The following CACNA2D4 variants were observed in gnomAD, a reference collection of about 807,000 sequenced individuals.
CACNA2D4 encodes the protein voltage-dependent calcium channel subunit alpha-2/delta-4.
A neutral mutation model predicts 163.8 loss-of-function variants in CACNA2D4; 157 were observed. The observed-to-expected ratio is 0.96, with a 90% CI of 0.84 to 1.09. The LOEUF (loss-of-function observed/expected upper bound fraction) is 1.09. Among genes scored for constraint, CACNA2D4 ranks in the 50% least tolerant of loss-of-function variants. CACNA2D4 has a pLI of 0.00. For synonymous variants in CACNA2D4, 598 were observed against 586.9 expected (o/e 1.02, Z -0.27); for missense variants, 1,410 against 1,479.9 (o/e 0.95, Z 0.78).
intron 26 of CACNA2D4, among the ~76,000 whole-genome samples, chr12:1,815,106 G>A (rs980932399): frequency 1.3e-5 from 2 of 152,150 alleles, no homozygotes; most frequent in African/African-American, 4.8e-5. Flanking sequence ...TGGCCAGGCT[G>A]GTCTCAAACT....
chr12:1,840,705 T>G (rs1489566431), intron 26 of CACNA2D4, 34 bp downstream of exon 26: 3 of 1,580,376 alleles, frequency 1.9e-6, no homozygotes, highest in Non-Finnish European at 2.6e-6. Flanking sequence ...TGTCCCCAGC[T>G]TCCTGGCCTC....
chr12:1,800,518 CAGAG>C, intron 31 of CACNA2D4, 80 bp from the exon 32 acceptor site: 7 of 1,380,828 alleles, frequency 5.1e-6, no homozygotes, highest in Non-Finnish European at 7.2e-6. Context: ...GCACCACCCT[CAGAG>C]AGACCAGAGA....
At position 1,846,580 on chromosome 12, in the gene CACNA2D4, C is replaced by A; in HGVS notation, c.2342+14G>T. 6.3e-7 allele frequency: 1 copy of A among 1,574,916 alleles called. No individual in the cohort carries two copies. The highest frequency in any genetic ancestry group is 8.6e-7 in the Non-Finnish European group (1 of 1,164,844). ...TGCAGGGATTGCCCTCCCGAGGTGG[C>A]CGGCCCAACCCACCTGTCGGAGACC... On this transcript the variant is annotated intron_variant, in intron 24 of 37. Transcript: ENST00000382722.
chr12:1,896,650 C>CAAAA lies in CACNA2D4; in HGVS notation c.782-9582_782-9581insTTTT, dbSNP rs1330603814. Among the ~76,000 whole-genome samples, 563 of 116,200 alleles carry CAAAA rather than the reference C, an allele frequency of 4.8e-3. 10 individuals are homozygous for CAAAA. The highest frequency in any genetic ancestry group is 0.012 in the African/African-American group (372 of 31,482). 76.2% of individuals were successfully genotyped at this position (116,200 alleles called of 152,430 possible). ...ACACACACACACACACACACACACA[C>CAAAA]ACACAAAACAGATGCTAGCAAGGAT... On this transcript the variant is annotated intron_variant, in intron 6 of 37. Coordinates refer to ENST00000382722, the MANE Select transcript of CACNA2D4 (RefSeq NM_172364.5).
rs569575270 is a variant in CACNA2D4, at chr12:1,864,962, G to A, written c.1879-4756C>T. Among the ~76,000 whole-genome samples the A allele has an allele frequency of 1.2e-4, 19 of 152,266 alleles. No individual in the cohort carries two copies. The East Asian group carries it at 3.7e-3, about 29-fold the overall frequency. On this transcript the variant is annotated intron_variant, in intron 18 of 37. Transcript: ENST00000382722. ...CCAACCGGAAGCCCAGGACCGTGGTGCCCTCGCCGCGCCGCTCCCGGGTCT... is the reference window on the plus strand; with the variant it reads ...CCAACCGGAAGCCCAGGACCGTGGTACCCTCGCCGCGCCGCTCCCGGGTCT...
chr12:1,817,901 A>T (rs1279636623), intron 26 of CACNA2D4, among the ~76,000 whole-genome samples: 1 of 150,820 alleles, frequency 6.6e-6, no homozygotes. Context: ...CTGCCCGGCC[A>T]CCACCCCGTC....
chr12:1,898,446 A>T (rs1866455118), intron 6 of CACNA2D4, among the ~76,000 whole-genome samples: 1 of 152,178 alleles, frequency 6.6e-6, no homozygotes, highest in Non-Finnish European at 1.5e-5. Context: ...CTCAAAGATG[A>T]GCAAATGGCC....
intron 30 of CACNA2D4, 135 bp from the exon 31 acceptor site, chr12:1,801,253 T>C: frequency 2.7e-6 from 2 of 728,086 alleles, no homozygotes; most frequent in South Asian, 1.5e-5. Context: ...CAGATCAGAA[T>C]ACAGCTCATG....
At chr12:1,914,783 C>T (rs749909861) in intron 2 of CACNA2D4, 71 bp downstream of exon 2, 110 of 1,017,298 alleles carry the variant, frequency 1.1e-4, no homozygotes, top group Middle Eastern at 2.2e-4. Context: ...CTCACAGCAC[C>T]GGCATTTGGG....
chr12:1,860,265 C>T, intron 18 of CACNA2D4, 59 bp from the exon 19 acceptor site: 1 of 1,392,866 alleles, frequency 7.2e-7, no homozygotes, highest in African/African-American at 1.4e-5. Flanking sequence ...CCAGCCCCCA[C>T]CTCGCCCCCA....
In CACNA2D4 at chr12:1,884,901, G is replaced by T. The variant is rs987854880; in HGVS notation, c.1159-20C>A. 1.9e-6 allele frequency: 3 copies of T among 1,605,978 alleles called. No individual in the cohort carries two copies. The highest frequency in any genetic ancestry group is 1.7e-6 in the Non-Finnish European group (2 of 1,172,894). ...TTGGAACTGTGTAGGGAAGAGGAGTGCCCATGACCACAGGCCAAGCCCACC... is the reference window on the plus strand; with the variant it reads ...TTGGAACTGTGTAGGGAAGAGGAGTTCCCATGACCACAGGCCAAGCCCACC... On this transcript the variant is annotated intron_variant, in intron 10 of 37. Transcript: ENST00000382722.
At chr12:1,809,098 G>A (rs1444104234) in intron 29 of CACNA2D4, among the ~76,000 whole-genome samples, 1 of 152,216 alleles carries the variant, frequency 6.6e-6, no homozygotes, top group African/African-American at 2.4e-5. Context: ...CTACCCCAAG[G>A]AGTTAGATTT....
Position 1,882,565 on chromosome 12 carries a change from G to C in CACNA2D4, c.1485+302C>G, listed in dbSNP as rs80353556. ...GGGAGGGAGGGATGATGAGGGAGGC[G>C]AGGACTGTGGAGGAGGAGGAAGGAA... On this transcript the variant is annotated intron_variant, in intron 13 of 37. Coordinates refer to ENST00000382722, the MANE Select transcript of CACNA2D4 (RefSeq NM_172364.5). 5.1e-4 allele frequency among the ~76,000 whole-genome samples: 78 copies of C among 152,244 alleles called. No individual in the cohort carries two copies. The East Asian group carries it at 0.015, about 30-fold the overall frequency.
chr12:1,839,696 C>T (rs756170642), intron 26 of CACNA2D4, among the ~76,000 whole-genome samples: 13 of 152,250 alleles, frequency 8.5e-5, no homozygotes. Context: ...GCTGAACACA[C>T]ACACTGAGCT....
At chr12:1,877,719 G>A (rs576113763) in intron 16 of CACNA2D4, among the ~76,000 whole-genome samples, 17 of 152,312 alleles carry the variant, frequency 1.1e-4, no homozygotes, top group African/African-American at 3.8e-4. Flanking sequence ...AGCTCCCGCC[G>A]TCCCAACAGC....
chr12:1,828,211 C>CTCCTGTGAGTACA lies in CACNA2D4; in HGVS notation c.2551+12515_2551+12527dup. On this transcript the variant is annotated intron_variant, in intron 26 of 37. Transcript: ENST00000382722. This position sits in a 1 kb window ranked among gnomAD's most constrained non-coding sequence, Gnocchi z 4.2. ...GGCTCGCCCTGCAGTGGAGGCAAGT[C>CTCCTGTGAGTACA]TCCTGTGAGTACACCCCTGGCCTCG... The CTCCTGTGAGTACA allele has an allele frequency of 6.5e-7, 1 of 1,545,870 alleles. No homozygotes were observed.
chr12:1,916,967 C>T (rs1232579907), intron 1 of CACNA2D4, among the ~76,000 whole-genome samples: 2 of 152,186 alleles, frequency 1.3e-5, no homozygotes, highest in Non-Finnish European at 2.9e-5. Context: ...TTCCAGCCAC[C>T]CCGACTTGGC....
chr12:1,881,401 G>C (rs1266579898), intron 13 of CACNA2D4, among the ~76,000 whole-genome samples: 2 of 152,246 alleles, frequency 1.3e-5, no homozygotes, highest in African/African-American at 4.8e-5. Context: ...ACCTTCAGCA[G>C]GTATGGCCTA....
At chr12:1,800,108 C>A in intron 32 of CACNA2D4, 56 bp from the exon 33 acceptor site, 1 of 1,532,422 alleles carries the variant, frequency 6.5e-7, no homozygotes, top group Non-Finnish European at 8.9e-7. Flanking sequence ...ACTTGGGTTC[C>A]CAAGGAGCTG....
Sources: gnomAD v4.1 joint callset for allele counts (sites outside exome capture counted in the v4.1 genomes callset) on GRCh38, gnomAD v4.1.1 for gene constraint, Gnocchi (gnomAD v3.1) non-coding constraint, MANE v1.5 for transcripts, NCBI Gene and HGNC (gene_info 2026-07-23, HGNC 2026-07-21) for gene names.